PLEKHA5: variants seen among roughly 807,000 people sequenced by gnomAD.
The protein encoded by PLEKHA5 is pleckstrin homology domain-containing family A member 5.
PLEKHA5 carries 55 observed loss-of-function variants against 181.9 expected under a neutral mutation model. That is an observed-to-expected ratio of 0.30 (90% confidence interval 0.24 to 0.38). The LOEUF (loss-of-function observed/expected upper bound fraction) is 0.38, where lower values mean the gene tolerates loss of function less well. PLEKHA5 is among the 10% of genes least tolerant of loss of function. The probability of loss-of-function intolerance (pLI) is 1.00; values close to 1 mark genes in which losing one functional copy is unlikely to be tolerated. For synonymous variants in PLEKHA5, 535 were observed against 529.4 expected (o/e 1.01, Z -0.15); for missense variants, 1,432 against 1,549.5 (o/e 0.92, Z 1.27).
intron 3 of PLEKHA5, among the ~76,000 whole-genome samples, chr12:19,192,971 A>G (rs2051571124): frequency 1.3e-5 from 2 of 152,198 alleles, no homozygotes; most frequent in Admixed American, 6.5e-5. Context: ...TGTAATGTCT[A>G]TGGCTACTTT....
At chr12:19,289,977 G>A (rs181502583) in intron 13 of PLEKHA5, among the ~76,000 whole-genome samples, 115 of 151,708 alleles carry the variant, frequency 7.6e-4, no homozygotes, top group African/African-American at 2.7e-3. Context: ...GAGTCTCGCC[G>A]TGTCGCCCAG....
Position 19,340,039 on chromosome 12 carries a change from AAGAG to A in PLEKHA5, c.2551-3278_2551-3275del, listed in dbSNP as rs1002462983. On this transcript the variant is annotated intron_variant, in intron 21 of 31. Transcript: ENST00000429027. Reference sequence around the variant, plus strand: ...TATCCACAAAGCAGAGAGAGAAAGAAAGAGAGAGAATTGTTGAACAGCATTTGGC... The same window carrying A: ...TATCCACAAAGCAGAGAGAGAAAGAAAGAGAATTGTTGAACAGCATTTGGC... Among the ~76,000 whole-genome samples, 17 of 151,026 alleles carry A rather than the reference AAGAG, an allele frequency of 1.1e-4. No homozygotes were observed. In the South Asian group the frequency reaches 1.9e-3, roughly 17 times the overall value.
chr12:19,165,399 C>A (rs532561848), intron 3 of PLEKHA5, among the ~76,000 whole-genome samples: 1 of 151,258 alleles, frequency 6.6e-6, no homozygotes, highest in Admixed American at 6.6e-5. Flanking sequence ...ATTTAGAAAC[C>A]GAGGATATGA....
intron 29 of PLEKHA5, among the ~76,000 whole-genome samples, chr12:19,362,276 G>A (rs2095273052): frequency 6.6e-6 from 1 of 150,918 alleles, no homozygotes; most frequent in African/African-American, 2.4e-5. Flanking sequence ...GCTTATGCCT[G>A]TAATCCCAGC....
chr12:19,171,442 A>G (rs2045867146), intron 3 of PLEKHA5, among the ~76,000 whole-genome samples: 1 of 152,156 alleles, frequency 6.6e-6, no homozygotes, highest in African/African-American at 2.4e-5. Context: ...CTATTCTAAA[A>G]TTTATGTGGA....
At chr12:19,369,530 T>A (rs2095523903) in intron 30 of PLEKHA5, among the ~76,000 whole-genome samples, 163 bp from the exon 31 acceptor site, 1 of 66,790 alleles carries the variant, frequency 1.5e-5, no homozygotes, top group Non-Finnish European at 3.7e-5. Flanking sequence ...TAAAAATTTG[T>A]TTTTAATTAT....
chr12:19,171,978 CAATGCCTTGCTTCCGG>C (rs2045999255), intron 3 of PLEKHA5, among the ~76,000 whole-genome samples: 1 of 152,166 alleles, frequency 6.6e-6, no homozygotes, highest in Non-Finnish European at 1.5e-5. Flanking sequence ...CTTGTGATAA[CAATGCCTTGCTTCCGG>C]AATACCTCCC....
At chr12:19,369,354 AG>A (rs200306690) in intron 30 of PLEKHA5, among the ~76,000 whole-genome samples, 1 of 151,760 alleles carries the variant, frequency 6.6e-6, no homozygotes, top group African/African-American at 2.4e-5. Context: ...AAAATTTTTA[AG>A]TAGTTGTCAG....
At chr12:19,265,928 AC>A in intron 8 of PLEKHA5, 78 bp downstream of exon 8, 1 of 708,186 alleles carries the variant, frequency 1.4e-6, no homozygotes, top group Non-Finnish European at 2.5e-6. Context: ...ATAGATTATT[AC>A]AAAAAAGCTA....
intron 11 of PLEKHA5, among the ~76,000 whole-genome samples, chr12:19,278,233 A>AAT (rs771828584): frequency 1.3e-5 from 2 of 152,154 alleles, no homozygotes; most frequent in African/African-American, 4.8e-5. Flanking sequence ...GCTTACTAAA[A>AAT]ATATATATAT....
intron 30 of PLEKHA5, among the ~76,000 whole-genome samples, chr12:19,366,823 C>T (rs1490947551): frequency 1.3e-5 from 2 of 152,106 alleles, no homozygotes; most frequent in African/African-American, 4.8e-5. Flanking sequence ...CTGGCTGTTC[C>T]TTCAATTGTA....
chr12:19,322,183 A>G, intron 18 of PLEKHA5, 127 bp from the exon 19 acceptor site: 2 of 629,846 alleles, frequency 3.2e-6, no homozygotes, highest in South Asian at 2.1e-5. Flanking sequence ...TAAGGATTCT[A>G]TCTTTGTAAG....
intron 15 of PLEKHA5, among the ~76,000 whole-genome samples, chr12:19,308,369 A>G (rs2084927253): frequency 6.6e-6 from 1 of 152,166 alleles, no homozygotes; most frequent in African/African-American, 2.4e-5. Flanking sequence ...ATGGTTATAA[A>G]GCTCTTGTTA....
chr12:19,183,799 T>C (rs186983711), intron 3 of PLEKHA5, among the ~76,000 whole-genome samples: 1 of 152,270 alleles, frequency 6.6e-6, no homozygotes, highest in East Asian at 1.9e-4. Flanking sequence ...CCGCACCCTC[T>C]GCCTGCCAGG....
intron 17 of PLEKHA5, 58 bp from the exon 18 acceptor site, chr12:19,320,504 G>C: frequency 1.3e-6 from 1 of 755,980 alleles, no homozygotes; most frequent in Non-Finnish European, 2.3e-6. Flanking sequence ...TTAATTAATA[G>C]GGTAAATATA....
intron 9 of PLEKHA5, 120 bp from the exon 10 acceptor site, chr12:19,270,068 T>C (rs915378716): frequency 2.0e-5 from 13 of 655,180 alleles, no homozygotes; most frequent in Non-Finnish European, 2.7e-5. Context: ...TAGTTTGCGA[T>C]ACCACCTACA....
At chr12:19,240,867 CT>C (rs1444082119) in intron 3 of PLEKHA5, among the ~76,000 whole-genome samples, 1 of 152,088 alleles carries the variant, frequency 6.6e-6, no homozygotes, top group Admixed American at 6.6e-5. Flanking sequence ...CAGTAAGACT[CT>C]TGTGACACAA....
In PLEKHA5 at chr12:19,358,395, A is replaced by T; in HGVS notation, c.3306A>T (p.Gln1102His). 4.3e-6 allele frequency: 7 copies of T among 1,613,740 alleles called. No homozygotes were observed. The highest frequency in any genetic ancestry group is 5.1e-6 in the Non-Finnish European group (6 of 1,179,718). ...GTGCTTCAGACCAGTCACCCTTACA[A>T]AGCCCTTCAAATTTAAGGGATAATC... ...VIGASDQSPL[Q>H]SPSNLRDNPF... Residue 1102 changes from glutamine (Q) to histidine (H), a missense_variant, in exon 27 of 32, where the codon CAA (glutamine) becomes CAT (histidine). Gln to His is a conservative substitution (Grantham distance 24). Coordinates refer to ENST00000429027, the MANE Select transcript of PLEKHA5 (RefSeq NM_001256470.2).
intron 26 of PLEKHA5, among the ~76,000 whole-genome samples, chr12:19,357,039 GT>G (rs1197880430): frequency 6.9e-6 from 1 of 144,786 alleles, no homozygotes; most frequent in African/African-American, 2.5e-5. Context: ...AAATAGAGGT[GT>G]TTGTTTTATT....
Sources: gnomAD v4.1 joint callset for allele counts (sites outside exome capture counted in the v4.1 genomes callset) on GRCh38, gnomAD v4.1.1 for gene constraint, MANE v1.5 for transcripts, NCBI Gene and HGNC (gene_info 2026-07-23, HGNC 2026-07-21) for gene names.